Variants in R3HDM2 observed in about 807,000 individuals in gnomAD.
R3HDM2 encodes R3H domain containing 2, also known as R3H domain-containing protein 2.
Under a neutral mutation model 124.5 loss-of-function variants are expected in R3HDM2, and 38 were observed. That is an observed-to-expected ratio of 0.31 (90% confidence interval 0.24 to 0.40). The LOEUF (loss-of-function observed/expected upper bound fraction) is 0.40, where lower values mean the gene tolerates loss of function less well. Ranked by LOEUF, R3HDM2 falls within the 10% of genes least tolerant of loss-of-function variation. R3HDM2 has a pLI of 1.00. For synonymous variants in R3HDM2, 391 were observed against 448.0 expected, an observed-to-expected ratio of 0.87 and a Z score of 1.61; for missense variants, 869 against 1,236.9, an observed-to-expected ratio of 0.70 and a Z score of 4.46.
intron 1 of R3HDM2, among the ~76,000 whole-genome samples, chr12:57,420,168 T>A (rs914111327): frequency 1.3e-5 from 2 of 152,188 alleles, no homozygotes; most frequent in African/African-American, 4.8e-5. Context: ...TCTGTTATCA[T>A]GGCTCTGTAT....
At chr12:57,382,671 C>T (rs1287115270) in intron 2 of R3HDM2, among the ~76,000 whole-genome samples, 1 of 150,694 alleles carries the variant, frequency 6.6e-6, no homozygotes, top group African/African-American at 2.4e-5. Context: ...CCTGTCTCTA[C>T]TAAAAATACA....
intron 9 of R3HDM2, among the ~76,000 whole-genome samples, chr12:57,295,988 G>A (rs1421017311): frequency 1.3e-5 from 2 of 152,136 alleles, no homozygotes; most frequent in South Asian, 2.1e-4. Context: ...TCCTGCCTCA[G>A]CCTCCCGAGT....
intron 3 of R3HDM2, 98 bp downstream of exon 3, chr12:57,310,166 T>G (rs2053608497): frequency 1.2e-6 from 1 of 833,162 alleles, no homozygotes; most frequent in African/African-American, 1.8e-5. Flanking sequence ...GCCCTAATTG[T>G]GCCACTGCAC....
chr12:57,299,513 A>C, intron 5 of R3HDM2, 35 bp from the exon 6 acceptor site: 1 of 1,528,294 alleles, frequency 6.5e-7, no homozygotes, highest in Non-Finnish European at 8.9e-7. Context: ...AGGGGGAAAA[A>C]GATTTTAACT....
chr12:57,324,636 T>G (rs1442065124), intron 2 of R3HDM2, among the ~76,000 whole-genome samples: 2 of 152,252 alleles, frequency 1.3e-5, no homozygotes, highest in African/African-American at 2.4e-5. Flanking sequence ...CGATATCCAA[T>G]CATCTCTTTT....
intron 1 of R3HDM2, chr12:57,430,489 G>GCCCCCC: frequency 2.5e-6 from 2 of 790,570 alleles, no homozygotes; most frequent in Non-Finnish European, 3.1e-6. Flanking sequence ...CCACCCCCCT[G>GCCCCCC]CCCCCGCACC....
At chr12:57,377,692 T>G (rs1320158404) in intron 2 of R3HDM2, among the ~76,000 whole-genome samples, 2 of 152,158 alleles carry the variant, frequency 1.3e-5, no homozygotes, top group Non-Finnish European at 2.9e-5. Context: ...TTGATAACAT[T>G]AGGACCATGC....
intron 2 of R3HDM2, among the ~76,000 whole-genome samples, chr12:57,346,413 G>A (rs916773030): frequency 6.6e-6 from 1 of 151,950 alleles, no homozygotes; most frequent in African/African-American, 2.4e-5. Context: ...AGCCAAGACC[G>A]TGCCATTGCA....
rs530007639 is a variant in R3HDM2, at chr12:57,300,242, G to T, written c.208-61C>A. On this transcript the variant is annotated intron_variant, in intron 4 of 23. Transcript: ENST00000402412. ...ATGTATCTTATATATTTCTTCCCTC[G>T]GTGAACATTCAGAAAGCTTTTGGCT... 2.9e-6 allele frequency: 4 copies of T among 1,372,674 alleles called. No homozygotes were observed. The East Asian group carries it at 1.0e-4, about 35-fold the overall frequency. The allele number at this position is 1,372,674 out of a possible 1,614,324, so 85.0% of individuals were successfully genotyped here. A position where few individuals can be genotyped will look rare whatever the true frequency, so the allele number is the denominator to read the frequency against.
chr12:57,280,151 C>A (rs993522785), intron 14 of R3HDM2, among the ~76,000 whole-genome samples: 1 of 152,148 alleles, frequency 6.6e-6, no homozygotes, highest in Non-Finnish European at 1.5e-5. Flanking sequence ...AAGCAAAAAA[C>A]CCCCAAGCTG....
chr12:57,277,314 T>A (rs1049526112), intron 14 of R3HDM2, among the ~76,000 whole-genome samples: 1 of 152,130 alleles, frequency 6.6e-6, no homozygotes, highest in East Asian at 1.9e-4. Context: ...GACACACAAT[T>A]TGAAGGCCTG....
chr12:57,356,243 A>T (rs964844078), intron 2 of R3HDM2, among the ~76,000 whole-genome samples: 5 of 151,996 alleles, frequency 3.3e-5, no homozygotes, highest in Non-Finnish European at 4.4e-5. Flanking sequence ...TTTCCTTCTC[A>T]TTTATTCAGA....
At chr12:57,374,683 T>TAAAAAAA (rs56197858) in intron 2 of R3HDM2, among the ~76,000 whole-genome samples, 1 of 28,058 alleles carries the variant, frequency 3.6e-5, no homozygotes, top group Non-Finnish European at 6.4e-5. Flanking sequence ...AATTCTATCT[T>TAAAAAAA]AAAAAAAAAA....
intron 19 of R3HDM2, among the ~76,000 whole-genome samples, chr12:57,266,106 CTT>C (rs74991749): frequency 1.1e-4 from 12 of 111,114 alleles, no homozygotes; most frequent in Admixed American, 2.8e-4. Flanking sequence ...CATAATTTTT[CTT>C]TTTTTTTTTT....
intron 10 of R3HDM2, among the ~76,000 whole-genome samples, chr12:57,293,217 C>T (rs984956231): frequency 5.9e-5 from 9 of 151,882 alleles, no homozygotes; most frequent in Non-Finnish European, 1.0e-4. Flanking sequence ...ATCCCAAGGG[C>T]GAAGCTAAAC....
rs34045324 is a variant in R3HDM2 at position 57,327,466 on chromosome 12, CA to C, written c.-35-17004del. Among the ~76,000 whole-genome samples, 393 of 105,764 alleles carry C rather than the reference CA, an allele frequency of 3.7e-3. 1 individual carries two copies. Among genetic ancestry groups the C allele is most frequent in the African/African-American group, 0.011 (272 of 25,418 alleles). 69.4% of individuals were successfully genotyped at this position (105,764 alleles called of 152,430 possible). On this transcript the variant is annotated intron_variant, in intron 2 of 23. Transcript: ENST00000402412. ...TGGGCGACAGAGCAAGACTCCGTCT[CA>C]AAAAAAAAAAAAAAAAGAAATACAT... is the stretch of plus-strand genomic sequence containing the variant.
At chr12:57,322,216 AAAAC>A (rs535376630) in intron 2 of R3HDM2, among the ~76,000 whole-genome samples, 7 of 152,202 alleles carry the variant, frequency 4.6e-5, no homozygotes, top group South Asian at 2.1e-4. Context: ...ACTCCATCTC[AAAAC>A]AAACAAACAA....
intron 2 of R3HDM2, among the ~76,000 whole-genome samples, chr12:57,394,340 G>A (rs972939815): frequency 4.0e-5 from 6 of 151,836 alleles, no homozygotes; most frequent in African/African-American, 1.5e-4. Context: ...GCACGGTGGT[G>A]GCTCATGCCT....
chr12:57,358,785 A>C (rs368014404), intron 2 of R3HDM2, among the ~76,000 whole-genome samples: 81 of 152,270 alleles, frequency 5.3e-4, no homozygotes, highest in African/African-American at 1.9e-3. Flanking sequence ...AACTGGGTTA[A>C]TTACTGATTT....
Sources: gnomAD v4.1 joint callset for allele counts (sites outside exome capture counted in the v4.1 genomes callset) on GRCh38, gnomAD v4.1.1 for gene constraint, MANE v1.5 for transcripts, NCBI Gene and HGNC (gene_info 2026-07-23, HGNC 2026-07-21) for gene names.